The following ZIM2 variants were observed in gnomAD, a reference collection of about 807,000 sequenced individuals.
ZIM2 encodes zinc finger imprinted 2.
A neutral mutation model predicts 38.6 loss-of-function variants in ZIM2; 14 were observed. The ratio of observed to expected loss-of-function variants is 0.36; its 90% confidence interval spans 0.24 to 0.57. The LOEUF is 0.57. ZIM2 is among the 20% of genes least tolerant of loss of function. ZIM2 has a pLI of 0.81. For synonymous variants in ZIM2, 247 were observed against 245.8 expected, an observed-to-expected ratio of 1.00 and a Z score of -0.04; for missense variants, 680 against 695.1, an observed-to-expected ratio of 0.98 and a Z score of 0.24.
At chr19:56,840,318 C>T (rs1408920473) in intron 1 of ZIM2, among the ~76,000 whole-genome samples, 2 of 152,166 alleles carry the variant, frequency 1.3e-5, no homozygotes, top group African/African-American at 4.8e-5. Context: ...TGCAAGATGG[C>T]GGCACCAACG....
intron 3 of ZIM2, 191 bp from the exon 4 acceptor site, chr19:56,824,618 T>A (rs763205583): frequency 2.5e-6 from 4 of 1,606,684 alleles, no homozygotes; most frequent in Non-Finnish European, 1.7e-6. Context: ...CCAGGACTTC[T>A]TAGGTTTGGT....
chr19:56,807,337 GAATA>G (rs1217258329), intron 9 of ZIM2, among the ~76,000 whole-genome samples: 4 of 152,186 alleles, frequency 2.6e-5, no homozygotes, highest in Non-Finnish European at 5.9e-5. Context: ...GGAAAAAATA[GAATA>G]AAGAACTTAA....
At chr19:56,811,876 C>T in intron 9 of ZIM2, 3 of 985,470 alleles carry the variant, frequency 3.0e-6, no homozygotes, top group Non-Finnish European at 3.6e-6. Flanking sequence ...TTTCTTCTGT[C>T]TGTCTCCTCT....
At chr19:56,834,656 A>T (rs1157948175) in intron 2 of ZIM2, among the ~76,000 whole-genome samples, 1 of 152,168 alleles carries the variant, frequency 6.6e-6, no homozygotes, top group Non-Finnish European at 1.5e-5. Flanking sequence ...CGGGCAAAGG[A>T]GGTTTCCAAG....
In ZIM2 at chr19:56,824,166, T is replaced by G. The variant is rs76000049; in HGVS notation, c.16+96A>C. ...CCCACCGCTGCCCAGGACAGAGAGTTATCCAGTCCAGACCATGTCAGAAGT... is the reference window on the plus strand; with the variant it reads ...CCCACCGCTGCCCAGGACAGAGAGTGATCCAGTCCAGACCATGTCAGAAGT... On this transcript the variant is annotated intron_variant, in intron 4 of 12. Transcript: ENST00000629319. 6,323 of 1,516,436 alleles carry G rather than the reference T, an allele frequency of 4.2e-3. 233 individuals are homozygous for G. In the African/African-American group the frequency reaches 0.076, roughly 18 times the overall value. The allele number at this position is 1,516,436 out of a possible 1,614,324, so 93.9% of individuals were successfully genotyped here.
intron 10 of ZIM2, among the ~76,000 whole-genome samples, chr19:56,789,154 A>T (rs1279842882): frequency 2.0e-5 from 3 of 152,098 alleles, no homozygotes; most frequent in African/African-American, 4.8e-5. Flanking sequence ...GTATGTCTTA[A>T]ATATGAAACA....
In ZIM2 at chr19:56,804,338, T is replaced by C. The variant is rs77904514; in HGVS notation, c.490+13408A>G. The stretch of plus-strand genomic sequence containing the variant: ...GTGGCAAAGGTGCTATTAAAGAAAG[T>C]TGTCCCAAGAATTGGGCTGCCTCAG... On this transcript the variant is annotated intron_variant, in intron 9 of 12. Transcript: ENST00000629319. 9.3e-3 allele frequency among the ~76,000 whole-genome samples: 1,410 copies of C among 152,298 alleles called. 20 individuals carry two copies. The highest frequency in any genetic ancestry group is 0.012 in the Non-Finnish European group (797 of 68,026).
chr19:56,815,390 T>C, intron 9 of ZIM2: 2 of 1,614,190 alleles, frequency 1.2e-6, no homozygotes, highest in Non-Finnish European at 1.7e-6. Context: ...TGGGCGTAAC[T>C]TGTTTGAGGG....
Position 56,827,854 on chromosome 19 carries a change from G to A in ZIM2, c.-226-1391C>T, listed in dbSNP as rs573984130. Among the ~76,000 whole-genome samples, 44 of 152,246 alleles carry A rather than the reference G, an allele frequency of 2.9e-4. No homozygotes were observed. The South Asian group carries it at 8.3e-3, about 29-fold the overall frequency. On this transcript the variant is annotated intron_variant, in intron 2 of 12. Transcript: ENST00000629319. Reference sequence around the variant, plus strand: ...ACAGCATTCTCAGAAACTAAAAAAAGATGTGCTTAGACAGATGATTTCTAG... The same window carrying A: ...ACAGCATTCTCAGAAACTAAAAAAAAATGTGCTTAGACAGATGATTTCTAG...
chr19:56,794,800 G>A (rs1294965531), intron 9 of ZIM2, among the ~76,000 whole-genome samples: 1 of 152,054 alleles, frequency 6.6e-6, no homozygotes, highest in Non-Finnish European at 1.5e-5. Flanking sequence ...CAATTTTTTG[G>A]ACAAGGAGCC....
At chr19:56,792,491 A>C (rs1300295425) in intron 9 of ZIM2, among the ~76,000 whole-genome samples, 1 of 139,402 alleles carries the variant, frequency 7.2e-6, no homozygotes, top group East Asian at 2.1e-4. Flanking sequence ...AGATCATGCC[A>C]CTGCACTCTA....
chr19:56,833,365 C>T lies in ZIM2; in HGVS notation c.-227+2653G>A, dbSNP rs1196526090. 3 of 359,890 alleles carry T rather than the reference C, an allele frequency of 8.3e-6. No individual in the cohort carries two copies. In the East Asian group the frequency reaches 2.2e-4, roughly 27 times the overall value. The allele number at this position is 359,890 out of a possible 1,614,324, so 22.3% of individuals were successfully genotyped here. A position where few individuals can be genotyped will look rare whatever the true frequency, so the allele number is the denominator to read the frequency against. On this transcript the variant is annotated intron_variant, in intron 2 of 12. Coordinates refer to ENST00000629319, the MANE Select transcript of ZIM2 (RefSeq NM_001387356.1). ...GGTTACTCTCTTCGTCTCCCAGGGA[C>T]AGCGTGGTGTGTGGTCTCGTCTCTC...
chr19:56,840,007 CA>C (rs1022175094), intron 1 of ZIM2, among the ~76,000 whole-genome samples: 9 of 152,234 alleles, frequency 5.9e-5, no homozygotes, highest in Non-Finnish European at 2.9e-5. Flanking sequence ...TCGCCCCTCC[CA>C]CCACCACTGC....
At chr19:56,788,305 G>C (rs545201851) in intron 10 of ZIM2, among the ~76,000 whole-genome samples, 1 of 152,226 alleles carries the variant, frequency 6.6e-6, no homozygotes, top group Non-Finnish European at 1.5e-5. Context: ...GGTACGTTGT[G>C]TCTTTGTTCT....
At chr19:56,816,768 G>A in intron 9 of ZIM2, 2 of 1,614,020 alleles carry the variant, frequency 1.2e-6, no homozygotes, top group South Asian at 1.1e-5. Flanking sequence ...ATTTGTCTTT[G>A]CCATATATTT....
intron 9 of ZIM2, among the ~76,000 whole-genome samples, chr19:56,791,941 C>A (rs1322740678): frequency 2.0e-5 from 3 of 151,484 alleles, no homozygotes; most frequent in Non-Finnish European, 4.4e-5. Flanking sequence ...CATTCTTGTT[C>A]TTGAATAGAA....
chr19:56,829,831 C>T (rs750217716), intron 2 of ZIM2, among the ~76,000 whole-genome samples: 22 of 152,228 alleles, frequency 1.4e-4, no homozygotes, highest in Non-Finnish European at 2.1e-4. Flanking sequence ...TCTGTGACAG[C>T]GAGTCTGGCC....
At chr19:56,829,025 T>C (rs898197160) in intron 2 of ZIM2, among the ~76,000 whole-genome samples, 4 of 151,928 alleles carry the variant, frequency 2.6e-5, no homozygotes, top group African/African-American at 7.3e-5. Context: ...TATAGCCAAG[T>C]AGATAAAATG....
intron 2 of ZIM2, among the ~76,000 whole-genome samples, chr19:56,831,010 C>T (rs533075947): frequency 6.6e-6 from 1 of 152,152 alleles, no homozygotes; most frequent in South Asian, 2.1e-4. Flanking sequence ...TACATAAAGA[C>T]ACGTGTATCA....
Sources: allele counts gnomAD v4.1 joint callset (sites outside exome capture counted in the v4.1 genomes callset), GRCh38; gene constraint gnomAD v4.1.1; transcripts MANE v1.5; gene names NCBI Gene and HGNC (gene_info 2026-07-23, HGNC 2026-07-21).